The following MLLT3 variants were observed in gnomAD, a reference collection of about 807,000 sequenced individuals.
MLLT3 encodes the protein protein AF-9.
MLLT3 carries 4 observed loss-of-function variants against 53.2 expected under a neutral mutation model. The ratio of observed to expected loss-of-function variants is 0.08; its 90% CI spans 0.04 to 0.17. The LOEUF (loss-of-function observed/expected upper bound fraction) is 0.17. Ranked by LOEUF, MLLT3 falls within the 10% of genes least tolerant of loss-of-function variation. MLLT3 has a pLI of 1.00. For synonymous variants in MLLT3, 283 were observed against 230.6 expected (o/e 1.23, Z -2.06); for missense variants, 569 against 684.0 (o/e 0.83, Z 1.87).
intron 10 of MLLT3, among the ~76,000 whole-genome samples, chr9:20,349,814 T>G (rs1477841535): frequency 2.6e-5 from 4 of 152,148 alleles, no homozygotes; most frequent in Non-Finnish European, 5.9e-5. Flanking sequence ...CAGCCACACA[T>G]GCACAACAAT....
chr9:20,422,019 G>C (rs1253776186), intron 4 of MLLT3, among the ~76,000 whole-genome samples: 1 of 151,970 alleles, frequency 6.6e-6, no homozygotes, highest in Non-Finnish European at 1.5e-5. Flanking sequence ...GTGTTTTAAA[G>C]AATCAAAACC....
At position 20,588,317 on chromosome 9, in the gene MLLT3, C is replaced by T. The variant is rs1473356134; in HGVS notation, c.193+32337G>A. 1.7e-4 allele frequency among the ~76,000 whole-genome samples: 26 copies of T among 149,770 alleles called. No homozygotes were observed. The East Asian group carries it at 4.0e-3, about 23-fold the overall frequency. On this transcript the variant is annotated intron_variant, in intron 2 of 10. Coordinates refer to ENST00000380338, the MANE Select transcript of MLLT3 (RefSeq NM_004529.4). ...TTCTTTTGGCTTAGGATTGACTTGG[C>T]GATGCGGGCTCTTTTTTGGTTCCAT...
chr9:20,574,592 T>C (rs1034267892), intron 2 of MLLT3, among the ~76,000 whole-genome samples: 1 of 152,220 alleles, frequency 6.6e-6, no homozygotes, highest in Non-Finnish European at 1.5e-5. Flanking sequence ...GCTTTATTGC[T>C]TAAAAAAATG....
chr9:20,358,943 G>A (rs1047568279), intron 8 of MLLT3, among the ~76,000 whole-genome samples: 3 of 151,774 alleles, frequency 2.0e-5, no homozygotes, highest in African/African-American at 4.8e-5. Flanking sequence ...TCAAGAGATC[G>A]AGACCATCCT....
chr9:20,606,726 A>T (rs896632828), intron 2 of MLLT3, among the ~76,000 whole-genome samples: 3 of 152,102 alleles, frequency 2.0e-5, no homozygotes, highest in Non-Finnish European at 4.4e-5. Flanking sequence ...CAAATCATAC[A>T]GGAGGGCTTT....
intron 2 of MLLT3, among the ~76,000 whole-genome samples, chr9:20,588,015 T>C (rs1220535568): frequency 1.3e-5 from 2 of 149,964 alleles, no homozygotes; most frequent in African/African-American, 2.4e-5. Context: ...AATTGATTTT[T>C]GTATAAGGTG....
intron 2 of MLLT3, among the ~76,000 whole-genome samples, chr9:20,563,232 CAT>C (rs1819261425): frequency 6.6e-6 from 1 of 152,058 alleles, no homozygotes; most frequent in South Asian, 2.1e-4. Flanking sequence ...AAATCAGTAA[CAT>C]GTCGTGGAGG....
chr9:20,558,909 G>T (rs1819130798), intron 2 of MLLT3, among the ~76,000 whole-genome samples: 1 of 152,192 alleles, frequency 6.6e-6, no homozygotes, highest in African/African-American at 2.4e-5. Context: ...AGAAAGGAAG[G>T]GGAGAGCATC....
rs377430396 is a variant in MLLT3 at position 20,502,943 on chromosome 9, C to T, written c.194-46157G>A. 7.9e-5 allele frequency among the ~76,000 whole-genome samples: 12 copies of T among 152,190 alleles called. No homozygotes were observed. In the South Asian group the frequency reaches 2.5e-3, roughly 32 times the overall value. Reference sequence around the variant, plus strand: ...TGAAAGATAAATTAAGAAAACAATCCATTCACTACAGCAACCAAAAAGAAC... The same window carrying T: ...TGAAAGATAAATTAAGAAAACAATCTATTCACTACAGCAACCAAAAAGAAC... On this transcript the variant is annotated intron_variant, in intron 2 of 10. Coordinates refer to ENST00000380338, the MANE Select transcript of MLLT3 (RefSeq NM_004529.4).
chr9:20,446,854 C>A (rs1412856928), intron 4 of MLLT3, among the ~76,000 whole-genome samples: 1 of 152,150 alleles, frequency 6.6e-6, no homozygotes, highest in Admixed American at 6.5e-5. Context: ...AAATACATTT[C>A]TTCATGAAGC....
chr9:20,456,527 T>C (rs557547185), intron 3 of MLLT3, among the ~76,000 whole-genome samples, 177 bp downstream of exon 3: 1 of 152,320 alleles, frequency 6.6e-6, no homozygotes, highest in African/African-American at 2.4e-5. Context: ...ATTATCTTCT[T>C]CTAGCCACTT....
chr9:20,443,018 T>C (rs990544055), intron 4 of MLLT3, among the ~76,000 whole-genome samples: 3 of 152,078 alleles, frequency 2.0e-5, no homozygotes, highest in African/African-American at 7.2e-5. Flanking sequence ...TTTTCAGTCC[T>C]CAAAATTAAC....
At chr9:20,610,432 AATT>A (rs1820673354) in intron 2 of MLLT3, among the ~76,000 whole-genome samples, 2 of 152,314 alleles carry the variant, frequency 1.3e-5, no homozygotes, top group East Asian at 3.9e-4. Flanking sequence ...TTTCCTGCTA[AATT>A]CAAGTGGTGG....
At chr9:20,401,227 T>C (rs1468172248) in intron 5 of MLLT3, among the ~76,000 whole-genome samples, 1 of 152,212 alleles carries the variant, frequency 6.6e-6, no homozygotes, top group Non-Finnish European at 1.5e-5. Flanking sequence ...TTAAGCATTG[T>C]ATTATCCCCA....
intron 2 of MLLT3, among the ~76,000 whole-genome samples, chr9:20,465,510 T>C (rs974305390): frequency 4.6e-5 from 7 of 152,052 alleles, no homozygotes; most frequent in Non-Finnish European, 7.4e-5. Context: ...CATAGGGTGA[T>C]AGAAATGGCA....
At chr9:20,617,854 C>T (rs754231863) in intron 2 of MLLT3, among the ~76,000 whole-genome samples, 4 of 152,120 alleles carry the variant, frequency 2.6e-5, no homozygotes, top group Non-Finnish European at 4.4e-5. Flanking sequence ...TAGCTCAATT[C>T]TGAAATGGTA....
In MLLT3 at chr9:20,428,589, G is replaced by A. The variant is rs536294864; in HGVS notation, c.421-14164C>T. Among the ~76,000 whole-genome samples, 66 of 152,030 alleles carry A rather than the reference G, an allele frequency of 4.3e-4. 1 individual carries two copies. Among genetic ancestry groups the A allele is most frequent in the African/African-American group, 1.5e-3 (61 of 41,482 alleles). ...GAAAAAATTTTAGCCACCAATCCTCGTCTGTGAAGAAAATGATGGATGATA... is the reference window on the plus strand; with the variant it reads ...GAAAAAATTTTAGCCACCAATCCTCATCTGTGAAGAAAATGATGGATGATA... On this transcript the variant is annotated intron_variant, in intron 4 of 10. Coordinates refer to ENST00000380338, the MANE Select transcript of MLLT3 (RefSeq NM_004529.4).
intron 2 of MLLT3, among the ~76,000 whole-genome samples, chr9:20,534,855 T>C (rs1008047260): frequency 3.3e-5 from 5 of 151,876 alleles, no homozygotes; most frequent in Admixed American, 6.6e-5. Context: ...CACTGCACTC[T>C]AGCCTGGGGG....
intron 2 of MLLT3, among the ~76,000 whole-genome samples, chr9:20,515,762 G>A (rs976590654): frequency 4.6e-5 from 7 of 152,034 alleles, no homozygotes; most frequent in Non-Finnish European, 8.8e-5. Context: ...GCCATCAGCC[G>A]GAGTCATAAC....
Sources: gnomAD v4.1 joint callset for allele counts (sites outside exome capture counted in the v4.1 genomes callset) on GRCh38, gnomAD v4.1.1 for gene constraint, MANE v1.5 for transcripts, NCBI Gene and HGNC (gene_info 2026-07-23, HGNC 2026-07-21) for gene names.